Variants in CREBBP observed in about 807,000 individuals in gnomAD.
CREBBP encodes the protein CREB-binding protein.
CREBBP carries 19 observed loss-of-function variants against 265.0 expected under a neutral mutation model. The observed-to-expected ratio is 0.07, with a 90% CI of 0.05 to 0.11. The LOEUF (loss-of-function observed/expected upper bound fraction) is 0.11. Among genes scored for constraint, CREBBP ranks in the 10% least tolerant of loss-of-function variants. The probability of loss-of-function intolerance (pLI) is 1.00; values close to 1 mark genes in which losing one functional copy is unlikely to be tolerated. For synonymous variants in CREBBP, 1,457 were observed against 1,223.7 expected (o/e 1.19, Z -3.98); for missense variants, 2,525 against 3,219.0 (o/e 0.78, Z 5.22).
intron 2 of CREBBP, among the ~76,000 whole-genome samples, chr16:3,837,879 G>A (rs2054487509): frequency 6.6e-6 from 1 of 152,154 alleles, no homozygotes; most frequent in Admixed American, 6.5e-5. Context: ...GTCTATAGCA[G>A]TGTACAGCAA....
rs1596887261 is a variant in CREBBP at position 3,770,921 on chromosome 16, T to G, written c.2529A>C (p.Leu843=). 6.2e-7 allele frequency: 1 copy of G among 1,613,568 alleles called. No individual in the cohort carries two copies. Among genetic ancestry groups the G allele is most frequent in the South Asian group, 1.1e-5 (1 of 91,068 alleles). The change falls in exon 14 of 31, where the codon CTA becomes CTC. Residue 843 remains leucine (L), a synonymous_variant. Coordinates refer to ENST00000262367, the MANE Select transcript of CREBBP (RefSeq NM_004380.3). ...LNMLGPQASQ[L]PCPPVTQSPL... is the part of the protein sequence containing the mutation. ...GTGACTGTGTCACTGGAGGGCAAGG[T>G]AGCTGGCTGGCCTGAGGCCCCAGCA...
chr16:3,844,335 TAC>T (rs1051977939), intron 2 of CREBBP, among the ~76,000 whole-genome samples: 1 of 152,138 alleles, frequency 6.6e-6, no homozygotes, highest in Non-Finnish European at 1.5e-5. Context: ...ATTTTACAAT[TAC>T]AGAGATGGTT....
At chr16:3,849,271 G>A (rs570842100) in intron 2 of CREBBP, among the ~76,000 whole-genome samples, 1 of 152,058 alleles carries the variant, frequency 6.6e-6, no homozygotes, top group South Asian at 2.1e-4. Context: ...ATCTATCCAG[G>A]CATCTGCCTT....
rs763610705 is a variant in CREBBP, at chr16:3,850,294, T to C, written c.798+3A>G. 8.1e-6 allele frequency: 13 copies of C among 1,614,084 alleles called. No individual in the cohort carries two copies. ...AGTATTGAAAGTGCTTCAGTTCACT[T>C]ACCTTGGCCATGCCTCCTGCCTGTG... On this transcript the variant is annotated splice_donor_region_variant and intron_variant, in intron 2 of 30. Coordinates refer to ENST00000262367, the MANE Select transcript of CREBBP (RefSeq NM_004380.3).
chr16:3,818,303 CTTTTTTTTTT>C (rs71133660), intron 2 of CREBBP, among the ~76,000 whole-genome samples: 86 of 106,434 alleles, frequency 8.1e-4, no homozygotes, highest in African/African-American at 2.8e-3. Flanking sequence ...GTTTTCTTTT[CTTTTTTTTTT>C]TTTTTTTTTT....
rs977490832 is a variant in CREBBP at position 3,763,483 on chromosome 16, G to A, written c.3250+4237C>T. Among the ~76,000 whole-genome samples the A allele has an allele frequency of 2.6e-5, 4 of 151,982 alleles. No individual in the cohort carries two copies. The East Asian group carries it at 5.8e-4, about 22-fold the overall frequency. ...GCCTGAAACAATTTTGTTTTGAGAC[G>A]AAGTTTCTCTCTTGTTGCCCAGGCT... On this transcript the variant is annotated intron_variant, in intron 16 of 30. Transcript: ENST00000262367.
intron 1 of CREBBP, among the ~76,000 whole-genome samples, chr16:3,854,275 T>C (rs1015629683): frequency 6.6e-6 from 1 of 152,226 alleles, no homozygotes; most frequent in Non-Finnish European, 1.5e-5. Flanking sequence ...CAGCAATGGA[T>C]GCTCAGAAAG....
chr16:3,794,920 C>T (rs2053578289), intron 3 of CREBBP, among the ~76,000 whole-genome samples: 3 of 152,130 alleles, frequency 2.0e-5, no homozygotes, highest in Admixed American at 6.5e-5. Context: ...CCCTAAAGTA[C>T]GCCACTCGGA....
At chr16:3,747,491 C>T (rs565212425) in intron 21 of CREBBP, among the ~76,000 whole-genome samples, 8 of 152,162 alleles carry the variant, frequency 5.3e-5, no homozygotes, top group Non-Finnish European at 1.0e-4. Context: ...TGCCGCTCTG[C>T]CCAAGCAGGG....
At chr16:3,823,216 G>A (rs888509450) in intron 2 of CREBBP, among the ~76,000 whole-genome samples, 6 of 152,108 alleles carry the variant, frequency 3.9e-5, no homozygotes, top group Admixed American at 3.9e-4. Flanking sequence ...TTTTAAGGAG[G>A]AAAAGTTGTT....
chr16:3,849,430 TGTG>T, intron 2 of CREBBP, among the ~76,000 whole-genome samples: 1 of 8,576 alleles, frequency 1.2e-4, no homozygotes, highest in Admixed American at 1.6e-3. Context: ...TGTGTGTGTG[TGTG>T]TGTGTGTGTG....
intron 19 of CREBBP, among the ~76,000 whole-genome samples, chr16:3,756,620 G>T (rs909903547): frequency 2.6e-5 from 4 of 152,130 alleles, no homozygotes; most frequent in Admixed American, 2.6e-4. Context: ...TAAAACACCA[G>T]ATCTCATTTT....
intron 13 of CREBBP, 141 bp from the exon 14 acceptor site, chr16:3,771,127 G>A: frequency 1.1e-6 from 1 of 877,534 alleles, no homozygotes; most frequent in Non-Finnish European, 1.8e-6. Context: ...GCAATGCAAT[G>A]GTGCGATCTC....
At chr16:3,766,497 T>C (rs1287759990) in intron 16 of CREBBP, among the ~76,000 whole-genome samples, 2 of 152,230 alleles carry the variant, frequency 1.3e-5, no homozygotes, top group Non-Finnish European at 2.9e-5. Context: ...TAACAGACTA[T>C]TTTAAATGAA....
chr16:3,725,815 G>T lies in CREBBP; in HGVS notation c.*1903C>A, dbSNP rs538141981. On this transcript the variant is annotated 3_prime_UTR_variant, in exon 31 of 31. Coordinates refer to ENST00000262367, the MANE Select transcript of CREBBP (RefSeq NM_004380.3). ...AGGGCCCAAACGGAAGCTATTTGGGGCGTGATTTCTAAAATTACCATCACC... is the reference window on the plus strand; with the variant it reads ...AGGGCCCAAACGGAAGCTATTTGGGTCGTGATTTCTAAAATTACCATCACC... 4 of 233,210 alleles carry T rather than the reference G, an allele frequency of 1.7e-5. No homozygotes were observed. In the East Asian group the frequency reaches 1.8e-4, roughly 11 times the overall value. 14.4% of individuals were successfully genotyped at this position (233,210 alleles called of 1,614,324 possible). A position where few individuals can be genotyped will look rare whatever the true frequency, so the allele number is the denominator to read the frequency against.
At chr16:3,828,820 T>C (rs1489111832) in intron 2 of CREBBP, among the ~76,000 whole-genome samples, 1 of 152,214 alleles carries the variant, frequency 6.6e-6, no homozygotes, top group Admixed American at 6.5e-5. Context: ...CAGAATATTT[T>C]ACTCCTTGTT....
Position 3,733,460 on chromosome 16 carries a change from G to T in CREBBP, c.4729-1523C>A, listed in dbSNP as rs76637914. On this transcript the variant is annotated intron_variant, in intron 28 of 30. Coordinates refer to ENST00000262367, the MANE Select transcript of CREBBP (RefSeq NM_004380.3). ...CAGGATTCAGAGACAGAAAAGGGAC[G>T]TCAGGGGAAAACTGAGGAAATTGGA... 3.1e-3 allele frequency among the ~76,000 whole-genome samples: 475 copies of T among 152,042 alleles called. 5 individuals carry two copies. The highest frequency in any genetic ancestry group is 0.011 in the African/African-American group (456 of 41,446).
intron 1 of CREBBP, among the ~76,000 whole-genome samples, chr16:3,852,111 C>A (rs1300751965): frequency 9.0e-6 from 1 of 111,554 alleles, no homozygotes; most frequent in Non-Finnish European, 1.8e-5. Context: ...TGGGCATTGA[C>A]TTAGATGAAC....
chr16:3,840,306 C>A (rs1191497374), intron 2 of CREBBP, among the ~76,000 whole-genome samples: 1 of 152,166 alleles, frequency 6.6e-6, no homozygotes, highest in Non-Finnish European at 1.5e-5. Flanking sequence ...GTAATCCCAG[C>A]ACTTTGGGCA....
Sources: allele counts gnomAD v4.1 joint callset (sites outside exome capture counted in the v4.1 genomes callset), GRCh38; gene constraint gnomAD v4.1.1; transcripts MANE v1.5; gene names NCBI Gene and HGNC (gene_info 2026-07-23, HGNC 2026-07-21).